The following SORCS2 variants were observed in gnomAD, a reference collection of about 807,000 sequenced individuals.
SORCS2 encodes sortilin related VPS10 domain containing receptor 2, also known as VPS10 domain-containing receptor SorCS2.
A neutral mutation model predicts 141.6 loss-of-function variants in SORCS2; 100 were observed. That is an observed-to-expected ratio of 0.71 (90% CI 0.60 to 0.83). The LOEUF (loss-of-function observed/expected upper bound fraction) is 0.83, where lower values mean the gene tolerates loss of function less well. SORCS2 is among the 40% of genes least tolerant of loss of function. The probability of loss-of-function intolerance (pLI) is 0.00; values close to 1 mark genes in which losing one functional copy is unlikely to be tolerated. For synonymous variants in SORCS2, 789 were observed against 676.9 expected, an observed-to-expected ratio of 1.17 and a Z score of -2.57; for missense variants, 1,646 against 1,560.2, an observed-to-expected ratio of 1.05 and a Z score of -0.93.
chr4:7,462,291 C>A (rs1051229396), intron 2 of SORCS2, among the ~76,000 whole-genome samples: 2 of 152,192 alleles, frequency 1.3e-5, no homozygotes, highest in African/African-American at 4.8e-5. Context: ...CACCTGTGAG[C>A]GGGAGATGTG....
At chr4:7,360,899 C>T (rs1472796309) in intron 1 of SORCS2, among the ~76,000 whole-genome samples, 1 of 151,928 alleles carries the variant, frequency 6.6e-6, no homozygotes, top group African/African-American at 2.4e-5. Context: ...CTTCATGCAT[C>T]TTTTTACTCC....
intron 3 of SORCS2, among the ~76,000 whole-genome samples, chr4:7,533,237 A>C (rs1560363013): frequency 6.6e-6 from 1 of 152,184 alleles, no homozygotes; most frequent in Non-Finnish European, 1.5e-5. Flanking sequence ...GCTTGGCAGC[A>C]GTGAGGCCTG....
At chr4:7,617,756 GC>G (rs949633229) in intron 3 of SORCS2, among the ~76,000 whole-genome samples, 54 of 152,158 alleles carry the variant, frequency 3.5e-4, no homozygotes, top group African/African-American at 1.3e-3. Flanking sequence ...AATCTGACTT[GC>G]CCCTCATGGG....
At chr4:7,512,267 C>T (rs1241112934) in intron 2 of SORCS2, among the ~76,000 whole-genome samples, 3 of 151,278 alleles carry the variant, frequency 2.0e-5, no homozygotes, top group African/African-American at 7.3e-5. Context: ...AAGTCCAGCC[C>T]AGGGCCAGGC....
chr4:7,681,948 T>C (rs1723550953), intron 9 of SORCS2, among the ~76,000 whole-genome samples: 1 of 152,194 alleles, frequency 6.6e-6, no homozygotes, highest in South Asian at 2.1e-4. Flanking sequence ...GTGGTGGGCA[T>C]TCCCGTGCCT....
intron 14 of SORCS2, among the ~76,000 whole-genome samples, chr4:7,707,817 G>A (rs1725565597): frequency 6.6e-6 from 1 of 152,238 alleles, no homozygotes; most frequent in Non-Finnish European, 1.5e-5. Context: ...AGACGCTCAT[G>A]GGGATGAGCT....
At chr4:7,715,490 CATATG>C (rs1306916489) in intron 17 of SORCS2, among the ~76,000 whole-genome samples, 179 bp downstream of exon 17, 2 of 152,220 alleles carry the variant, frequency 1.3e-5, no homozygotes, top group Non-Finnish European at 2.9e-5. Flanking sequence ...CTGCGGTGCT[CATATG>C]AGTCACCAGA....
At chr4:7,600,400 G>C (rs1717579789) in intron 3 of SORCS2, among the ~76,000 whole-genome samples, 1 of 152,140 alleles carries the variant, frequency 6.6e-6, no homozygotes, top group Admixed American at 6.5e-5. Context: ...CAGGCGCTTG[G>C]CACGAGTGCT....
chr4:7,202,708 A>T (rs1428692561), intron 1 of SORCS2, among the ~76,000 whole-genome samples: 1 of 152,182 alleles, frequency 6.6e-6, no homozygotes, highest in Non-Finnish European at 1.5e-5. Flanking sequence ...ATTTTAATTC[A>T]GAAAGAATTC....
chr4:7,521,061 C>T (rs1733298392), intron 2 of SORCS2, among the ~76,000 whole-genome samples: 1 of 152,118 alleles, frequency 6.6e-6, no homozygotes, highest in Non-Finnish European at 1.5e-5. Context: ...ACTTAATGTT[C>T]CTTGGGACTC....
rs1038318718 is a variant in SORCS2, at chr4:7,648,543, G to A, written c.814-5591G>A. Among the ~76,000 whole-genome samples the A allele has an allele frequency of 6.6e-6, 1 of 152,090 alleles. No homozygotes were observed. The highest frequency in any genetic ancestry group is 1.5e-5 in the Non-Finnish European group (1 of 67,996). On this transcript the variant is annotated intron_variant, in intron 4 of 26. Coordinates refer to ENST00000507866, the MANE Select transcript of SORCS2 (RefSeq NM_020777.3). The surrounding 1 kb of genome is among the most constrained non-coding windows in gnomAD (Gnocchi z 4.2). ...TGGGGCAACTGCTGGGAACAAAACA[G>A]ACCAACCCCTGCCCTCGTGGGGCCT...
At chr4:7,725,348 T>G (rs1383695487) in intron 20 of SORCS2, 61 bp downstream of exon 20, 2 of 1,562,928 alleles carry the variant, frequency 1.3e-6, no homozygotes, top group Non-Finnish European at 1.7e-6. Context: ...AGCTGCACAG[T>G]GGGGCAGAGC....
At chr4:7,377,504 C>T (rs1722738402) in intron 1 of SORCS2, among the ~76,000 whole-genome samples, 1 of 152,250 alleles carries the variant, frequency 6.6e-6, no homozygotes, top group African/African-American at 2.4e-5. Context: ...CATCCTGATG[C>T]ATGTTTAAAT....
chr4:7,330,050 C>T (rs780866447), intron 1 of SORCS2, among the ~76,000 whole-genome samples: 1 of 151,840 alleles, frequency 6.6e-6, no homozygotes, highest in African/African-American at 2.4e-5. Flanking sequence ...TGGTCCCTTG[C>T]CTCCCCCAGC....
rs529218218 is a variant in SORCS2, at chr4:7,277,386, G to C, written c.480+84260G>C. Among the ~76,000 whole-genome samples the C allele has an allele frequency of 2.0e-5, 3 of 152,324 alleles. No homozygotes were observed. The South Asian group carries it at 6.2e-4, about 32-fold the overall frequency. On this transcript the variant is annotated intron_variant, in intron 1 of 26. Coordinates refer to ENST00000507866, the MANE Select transcript of SORCS2 (RefSeq NM_020777.3). The stretch of plus-strand genomic sequence containing the variant: ...GTGCCCCACACAGCAGCAGGGATGA[G>C]TGTGTTTGTGTGTGTGTGCAGCTTC...
chr4:7,676,046 A>C lies in SORCS2; in HGVS notation c.1162-4A>C. 1 of 1,575,576 alleles carries C rather than the reference A, an allele frequency of 6.3e-7. No individual in the cohort carries two copies. Among genetic ancestry groups the C allele is most frequent in the Non-Finnish European group, 8.6e-7 (1 of 1,159,694 alleles). ...GACCCTGTGCTCCCTGCACATCCCC[A>C]CAGGATCTGCAGATCATCAGCACGG... On this transcript the variant is annotated splice_region_variant and splice_polypyrimidine_tract_variant and intron_variant, in intron 8 of 26. Coordinates refer to ENST00000507866, the MANE Select transcript of SORCS2 (RefSeq NM_020777.3).
At chr4:7,444,205 T>C (rs1727852775) in intron 2 of SORCS2, among the ~76,000 whole-genome samples, 1 of 152,232 alleles carries the variant, frequency 6.6e-6, no homozygotes, top group Admixed American at 6.5e-5. Flanking sequence ...CTATTCTAGG[T>C]CCTGGGAATA....
chr4:7,325,272 G>A (rs957634228), intron 1 of SORCS2, among the ~76,000 whole-genome samples: 3 of 152,124 alleles, frequency 2.0e-5, no homozygotes, highest in African/African-American at 7.2e-5. Context: ...GCCAGGCAGC[G>A]CGCTTCACCT....
intron 1 of SORCS2, among the ~76,000 whole-genome samples, chr4:7,390,188 G>C (rs1380425722): frequency 1.3e-5 from 2 of 152,180 alleles, no homozygotes; most frequent in African/African-American, 2.4e-5. Context: ...TTTGGAGTTG[G>C]CAATCAACAC....
Sources: allele counts gnomAD v4.1 joint callset (sites outside exome capture counted in the v4.1 genomes callset), GRCh38; gene constraint gnomAD v4.1.1; non-coding constraint Gnocchi (gnomAD v3.1); transcripts MANE v1.5; gene names NCBI Gene and HGNC (gene_info 2026-07-23, HGNC 2026-07-21).